The following OTULIN variants were observed in gnomAD, a reference collection of about 807,000 sequenced individuals.
The protein encoded by OTULIN is OTU deubiquitinase with linear linkage specificity, also known as ubiquitin thioesterase otulin.
A neutral mutation model predicts 39.6 loss-of-function variants in OTULIN; 15 were observed. The observed-to-expected ratio is 0.38, with a 90% CI of 0.25 to 0.58. The LOEUF (loss-of-function observed/expected upper bound fraction) is 0.58. Among genes scored for constraint, OTULIN ranks in the 20% least tolerant of loss-of-function variants. The probability of loss-of-function intolerance (pLI) is 0.66; values close to 1 mark genes in which losing one functional copy is unlikely to be tolerated. For synonymous variants in OTULIN, 156 were observed against 170.3 expected (o/e 0.92, Z 0.65); for missense variants, 319 against 445.9 (o/e 0.72, Z 2.56).
chr5:14,679,677 T>G (rs1176824100), intron 3 of OTULIN, among the ~76,000 whole-genome samples: 1 of 152,232 alleles, frequency 6.6e-6, no homozygotes, highest in East Asian at 1.9e-4. Context: ...CAGAGCTCAT[T>G]TTTATAGAAA....
downstream of OTULIN, among the ~76,000 whole-genome samples, chr5:14,703,584 A>G (rs1736855679): frequency 6.6e-6 from 1 of 152,124 alleles, no homozygotes; most frequent in Non-Finnish European, 1.5e-5. Flanking sequence ...TGTCAGGGGA[A>G]AGCATGGGTT....
Position 14,697,456 on chromosome 5 carries a change from C to T in OTULIN, c.*4408C>T, listed in dbSNP as rs1329350377. ...CCTCCCAAAGTGCTGAGATTACAGG[C>T]GTGAACTACCGCGCCTGGCCCCATG... On this transcript the variant is annotated 3_prime_UTR_variant, in exon 7 of 7. Transcript: ENST00000284274. The T allele has an allele frequency of 1.3e-5, 2 of 152,072 alleles. No individual in the cohort carries two copies. The highest frequency in any genetic ancestry group is 2.9e-5 in the Non-Finnish European group (2 of 68,026). 9.4% of individuals were successfully genotyped at this position (152,072 alleles called of 1,614,324 possible). A position where few individuals can be genotyped will look rare whatever the true frequency, so the allele number is the denominator to read the frequency against.
At position 14,668,741 on chromosome 5, in the gene OTULIN, T is replaced by G. The variant is rs564110159; in HGVS notation, c.152+3764T>G. Among the ~76,000 whole-genome samples, 6 of 152,372 alleles carry G rather than the reference T, an allele frequency of 3.9e-5. No homozygotes were observed. The South Asian group carries it at 1.2e-3, about 32-fold the overall frequency. On this transcript the variant is annotated intron_variant, in intron 1 of 6. Coordinates refer to ENST00000284274, the MANE Select transcript of OTULIN (RefSeq NM_138348.6). The stretch of plus-strand genomic sequence containing the variant: ...AATGGTGAGTGATTAAAATTCTGTC[T>G]TGTTAGCTTTGCATATACATTAGAA...
chr5:14,704,992 C>T, the OTULIN span: 8 of 152,040 alleles, frequency 5.3e-5, no homozygotes, highest in East Asian at 5.8e-4. Flanking sequence ...TTATACTGAC[C>T]GCTGTAGTCA....
At position 14,693,122 on chromosome 5, in the gene OTULIN, T is replaced by G. The variant is rs1320923757; in HGVS notation, c.*74T>G. ...GGCTCCTGGGCTTGGGCTGCAGGTTTGGGGGTCTCTAAGAACAATCTCTGA... is the reference window on the plus strand; with the variant it reads ...GGCTCCTGGGCTTGGGCTGCAGGTTGGGGGGTCTCTAAGAACAATCTCTGA... On this transcript the variant is annotated 3_prime_UTR_variant, in exon 7 of 7. Coordinates refer to ENST00000284274, the MANE Select transcript of OTULIN (RefSeq NM_138348.6). The G allele has an allele frequency of 2.1e-6, 3 of 1,415,564 alleles. No homozygotes were observed. Among genetic ancestry groups the G allele is most frequent in the Non-Finnish European group, 2.9e-6 (3 of 1,043,226 alleles). The allele number at this position is 1,415,564 out of a possible 1,614,324, so 87.7% of individuals were successfully genotyped here.
At chr5:14,681,371 A>G in intron 3 of OTULIN, 93 bp from the exon 4 acceptor site, 5 of 1,460,960 alleles carry the variant, frequency 3.4e-6, no homozygotes, top group Non-Finnish European at 4.6e-6. Context: ...CCTCCCAGTG[A>G]TCCCAGGCCA....
chr5:14,713,461 C>T, the OTULIN span: 2 of 1,566,762 alleles, frequency 1.3e-6, no homozygotes, highest in South Asian at 1.1e-5. The surrounding 1 kb of genome is among the most constrained non-coding windows in gnomAD (Gnocchi z 4.4). Flanking sequence ...GGGGATTTCC[C>T]CTGAAAATGT....
intron 1 of OTULIN, among the ~76,000 whole-genome samples, chr5:14,670,994 C>T (rs952228154): frequency 1.3e-5 from 2 of 152,142 alleles, no homozygotes; most frequent in Admixed American, 6.5e-5. Flanking sequence ...CTCTGGTTCT[C>T]TTATTCTTCC....
At chr5:14,677,187 C>A (rs1353051294) in intron 2 of OTULIN, among the ~76,000 whole-genome samples, 1 of 152,054 alleles carries the variant, frequency 6.6e-6, no homozygotes, top group Non-Finnish European at 1.5e-5. Flanking sequence ...CTCTTTTGTG[C>A]TCCTAATCAT....
chr5:14,712,520 T>C, the OTULIN span, among the ~76,000 whole-genome samples: 3 of 152,368 alleles, frequency 2.0e-5, no homozygotes, highest in East Asian at 5.8e-4. Context: ...TTGGTATCAC[T>C]GTCCCCTCTC....
At chr5:14,672,123 A>G (rs903772103) in intron 1 of OTULIN, among the ~76,000 whole-genome samples, 1 of 152,176 alleles carries the variant, frequency 6.6e-6, no homozygotes, top group Non-Finnish European at 1.5e-5. Context: ...TGTGTTTGGC[A>G]GGGGGCAGGT....
chr5:14,674,834 T>C (rs1055729388), intron 2 of OTULIN, among the ~76,000 whole-genome samples: 1 of 152,334 alleles, frequency 6.6e-6, no homozygotes, highest in Admixed American at 6.5e-5. Context: ...TAAATGATGA[T>C]ACCAGCCATT....
intron 4 of OTULIN, among the ~76,000 whole-genome samples, chr5:14,683,765 A>G (rs1018959249): frequency 5.9e-5 from 9 of 152,326 alleles, no homozygotes; most frequent in African/African-American, 1.7e-4. Flanking sequence ...CTTACTTGAC[A>G]CTAAATTTGT....
rs139641008 is a variant in OTULIN at position 14,679,148 on chromosome 5, A to G, written c.324+373A>G. Among the ~76,000 whole-genome samples, 5 of 152,280 alleles carry G rather than the reference A, an allele frequency of 3.3e-5. No homozygotes were observed. In the East Asian group the frequency reaches 9.7e-4, roughly 29 times the overall value. The stretch of plus-strand genomic sequence containing the variant: ...GGCCGATTCCACACTTCTGCTTTCC[A>G]CAGCACATTGAGTTTGCTTACACAC... On this transcript the variant is annotated intron_variant, in intron 3 of 6. Coordinates refer to ENST00000284274, the MANE Select transcript of OTULIN (RefSeq NM_138348.6).
At chr5:14,666,643 G>A (rs898807373) in intron 1 of OTULIN, among the ~76,000 whole-genome samples, 1 of 152,154 alleles carries the variant, frequency 6.6e-6, no homozygotes, top group African/African-American at 2.4e-5. Flanking sequence ...TGTGTGTGTG[G>A]TTTTTAGCAG....
chr5:14,667,653 G>T (rs1735883998), intron 1 of OTULIN, among the ~76,000 whole-genome samples: 1 of 152,230 alleles, frequency 6.6e-6, no homozygotes, highest in Admixed American at 6.5e-5. Context: ...GGGATTACAG[G>T]CGTGAGCCAC....
intron 3 of OTULIN, 45 bp downstream of exon 3, chr5:14,678,820 A>G (rs781038669): frequency 1.9e-5 from 25 of 1,308,002 alleles, no homozygotes; most frequent in African/African-American, 6.0e-5. Context: ...CAAATAGTCT[A>G]TCATAAGTTG....
intron 1 of OTULIN, among the ~76,000 whole-genome samples, chr5:14,671,184 C>A (rs755526843): frequency 6.6e-6 from 1 of 152,106 alleles, no homozygotes; most frequent in Non-Finnish European, 1.5e-5. Context: ...GTTTAGAGAA[C>A]CTCCTCTGGG....
chr5:14,712,004 T>C, the OTULIN span, among the ~76,000 whole-genome samples: 1 of 152,244 alleles, frequency 6.6e-6, no homozygotes, highest in Non-Finnish European at 1.5e-5. Flanking sequence ...GGCCACCTTT[T>C]CGATGTCCTG....
Sources: gnomAD v4.1 joint callset for allele counts (sites outside exome capture counted in the v4.1 genomes callset) on GRCh38, gnomAD v4.1.1 for gene constraint, Gnocchi (gnomAD v3.1) non-coding constraint, MANE v1.5 for transcripts, NCBI Gene and HGNC (gene_info 2026-07-23, HGNC 2026-07-21) for gene names.